Variants in VIPR2 observed in about 807,000 individuals in gnomAD.
VIPR2 encodes the protein vasoactive intestinal peptide receptor 2.
VIPR2 carries 48 observed loss-of-function variants against 58.0 expected under a neutral mutation model. The observed-to-expected ratio is 0.83, with a 90% CI of 0.66 to 1.05. The LOEUF is 1.05. Among genes scored for constraint, VIPR2 ranks in the 50% least tolerant of loss-of-function variants. VIPR2 has a pLI of 0.00. For synonymous variants in VIPR2, 243 were observed against 235.2 expected, an observed-to-expected ratio of 1.03 and a Z score of -0.30; for missense variants, 534 against 558.0, an observed-to-expected ratio of 0.96 and a Z score of 0.43.
intron 2 of VIPR2, among the ~76,000 whole-genome samples, chr7:159,120,734 G>A (rs1796423119): frequency 6.6e-6 from 1 of 152,168 alleles, no homozygotes; most frequent in Non-Finnish European, 1.5e-5. Context: ...CTCCATCTCT[G>A]TGTCCCACCG....
chr7:159,101,479 G>A (rs941216858), intron 4 of VIPR2, among the ~76,000 whole-genome samples: 4 of 136,594 alleles, frequency 2.9e-5, no homozygotes, highest in Non-Finnish European at 4.6e-5. Flanking sequence ...CACGAGATCC[G>A]ACAAGGCCGT....
chr7:159,105,788 T>C (rs1034528905), intron 3 of VIPR2, among the ~76,000 whole-genome samples: 5 of 152,204 alleles, frequency 3.3e-5, no homozygotes, highest in South Asian at 2.1e-4. Flanking sequence ...CACGGCCCCA[T>C]TGTGCAGACA....
chr7:159,078,456 C>T (rs1163330929), intron 4 of VIPR2, among the ~76,000 whole-genome samples: 2 of 152,122 alleles, frequency 1.3e-5, no homozygotes, highest in Non-Finnish European at 2.9e-5. Context: ...GGCACTAATG[C>T]AATATTCAAA....
chr7:159,077,073 G>A (rs1396712806), intron 4 of VIPR2, among the ~76,000 whole-genome samples: 1 of 152,182 alleles, frequency 6.6e-6, no homozygotes, highest in Admixed American at 6.5e-5. Flanking sequence ...TGTCATATTT[G>A]AGAATGTGCA....
chr7:159,133,287 T>C (rs550691918), intron 2 of VIPR2, among the ~76,000 whole-genome samples: 1 of 152,424 alleles, frequency 6.6e-6, no homozygotes, highest in East Asian at 1.9e-4. Flanking sequence ...GGCCACCCCC[T>C]AAACACGGCC....
At chr7:159,076,977 C>A (rs73523945) in intron 4 of VIPR2, among the ~76,000 whole-genome samples, 24,895 of 152,124 alleles carry the variant, frequency 0.16, 3,346 homozygotes, top group African/African-American at 0.37. Flanking sequence ...ATCTGAGACT[C>A]CTTATTACCA....
chr7:159,090,253 A>T (rs373997055), intron 4 of VIPR2, among the ~76,000 whole-genome samples: 2 of 84,610 alleles, frequency 2.4e-5, no homozygotes, highest in South Asian at 4.9e-4. Flanking sequence ...CACAATCCCC[A>T]GTGACCTCAG....
rs550007552 is a variant in VIPR2, at chr7:159,142,192, G to T, written c.151+254C>A. On this transcript the variant is annotated intron_variant, in intron 2 of 12. Transcript: ENST00000262178. Reference sequence around the variant, plus strand: ...CCATGAAATTGTTTTAGTAACTGTTGCTATCATCTCAAACCATGGAAACTG... The same window carrying T: ...CCATGAAATTGTTTTAGTAACTGTTTCTATCATCTCAAACCATGGAAACTG... Among the ~76,000 whole-genome samples the T allele has an allele frequency of 8.5e-5, 13 of 152,274 alleles. No individual in the cohort carries two copies. The South Asian group carries it at 2.7e-3, about 32-fold the overall frequency.
intron 2 of VIPR2, among the ~76,000 whole-genome samples, chr7:159,125,918 G>T (rs1422880105): frequency 6.6e-6 from 1 of 152,078 alleles, no homozygotes; most frequent in African/African-American, 2.4e-5. Context: ...ACCCCTTCAG[G>T]GAGCAGTCGT....
chr7:159,042,201 G>A (rs1585346393), intron 6 of VIPR2, among the ~76,000 whole-genome samples: 1 of 152,278 alleles, frequency 6.6e-6, no homozygotes, highest in Non-Finnish European at 1.5e-5. Flanking sequence ...ACCTATCTGC[G>A]TGGAATGCGG....
intron 4 of VIPR2, among the ~76,000 whole-genome samples, chr7:159,100,315 AAC>A (rs1304162288): frequency 6.6e-6 from 1 of 152,048 alleles, no homozygotes; most frequent in Admixed American, 6.5e-5. Context: ...TAACTAAAGT[AAC>A]ACAGTGACAG....
At chr7:159,091,345 G>C (rs571190937) in intron 4 of VIPR2, among the ~76,000 whole-genome samples, 57 of 152,376 alleles carry the variant, frequency 3.7e-4, no homozygotes, top group African/African-American at 1.3e-3. Context: ...GTATGGTAAA[G>C]TGTGGTCATG....
chr7:159,060,064 G>A (rs1049984039), intron 4 of VIPR2, among the ~76,000 whole-genome samples: 5 of 138,410 alleles, frequency 3.6e-5, no homozygotes, highest in African/African-American at 5.5e-5. Flanking sequence ...CTCACCTCAC[G>A]GAACCCATCT....
rs947259191 is a variant in VIPR2 at position 159,031,727 on chromosome 7, G to A, written c.1143+101C>T. ...GGGTCCCGGGCAGTAACTCGAGCCCGCGGAAGACAGGCATGTGTGGGGGCT... is the reference window on the plus strand; with the variant it reads ...GGGTCCCGGGCAGTAACTCGAGCCCACGGAAGACAGGCATGTGTGGGGGCT... On this transcript the variant is annotated intron_variant, in intron 12 of 12. Coordinates refer to ENST00000262178, the MANE Select transcript of VIPR2 (RefSeq NM_003382.5). The surrounding 1 kb of genome is among the most constrained non-coding windows in gnomAD (Gnocchi z 4.0). 2 of 1,597,306 alleles carry A rather than the reference G, an allele frequency of 1.3e-6. No homozygotes were observed. Among genetic ancestry groups the A allele is most frequent in the Non-Finnish European group, 1.7e-6 (2 of 1,174,560 alleles).
intron 4 of VIPR2, among the ~76,000 whole-genome samples, chr7:159,090,644 A>G (rs1415857409): frequency 7.6e-6 from 1 of 130,930 alleles, no homozygotes; most frequent in African/African-American, 3.1e-5. Context: ...TCTTATGACC[A>G]TCACAATCCC....
At position 159,031,271 on chromosome 7, in the gene VIPR2, G is replaced by C. The variant is rs1399000653; in HGVS notation, c.1144-482C>G. Among the ~76,000 whole-genome samples the C allele has an allele frequency of 6.6e-6, 1 of 151,742 alleles. No individual in the cohort carries two copies. Among genetic ancestry groups the C allele is most frequent in the Non-Finnish European group, 1.5e-5 (1 of 67,940 alleles). ...GCTCAGCTTTGCAGAAGCCGTGCTG[G>C]TGAAAGCTGCATGTCAAGCAAAGAA... On this transcript the variant is annotated intron_variant, in intron 12 of 12. Coordinates refer to ENST00000262178, the MANE Select transcript of VIPR2 (RefSeq NM_003382.5). This position sits in a 1 kb window ranked among gnomAD's most constrained non-coding sequence, Gnocchi z 4.0.
intron 4 of VIPR2, 48 bp downstream of exon 4, chr7:159,103,709 G>T: frequency 7.0e-7 from 1 of 1,424,176 alleles, no homozygotes; most frequent in Non-Finnish European, 9.9e-7. Context: ...TTCTGGTGCA[G>T]TGTTAGGAAG....
At chr7:159,129,016 G>C (rs1796763491) in intron 2 of VIPR2, among the ~76,000 whole-genome samples, 1 of 152,250 alleles carries the variant, frequency 6.6e-6, no homozygotes, top group Non-Finnish European at 1.5e-5. Context: ...TTTGGTGCCA[G>C]GAGACGTGGT....
chr7:159,048,941 C>T (rs1274420389), intron 5 of VIPR2, among the ~76,000 whole-genome samples: 1 of 152,200 alleles, frequency 6.6e-6, no homozygotes, highest in African/African-American at 2.4e-5. Context: ...GAGGACCCTT[C>T]TCTCCCACTC....
Sources: gnomAD v4.1 joint callset for allele counts (sites outside exome capture counted in the v4.1 genomes callset) on GRCh38, gnomAD v4.1.1 for gene constraint, Gnocchi (gnomAD v3.1) non-coding constraint, MANE v1.5 for transcripts, NCBI Gene and HGNC (gene_info 2026-07-23, HGNC 2026-07-21) for gene names.